MCF2: variants seen among roughly 807,000 people sequenced by gnomAD.
MCF2 encodes the protein proto-oncogene DBL.
A neutral mutation model predicts 82.5 loss-of-function variants in MCF2; 44 were observed. That is an observed-to-expected ratio of 0.53 (90% CI 0.42 to 0.69). The LOEUF is 0.69. Among genes scored for constraint, MCF2 ranks in the 30% least tolerant of loss-of-function variants. The pLI, the probability that MCF2 is intolerant of heterozygous loss-of-function variation, is 0.00. For synonymous variants in MCF2, 217 were observed against 224.9 expected, an observed-to-expected ratio of 0.96 and a Z score of 0.32; for missense variants, 623 against 663.1, an observed-to-expected ratio of 0.94 and a Z score of 0.66.
exon 22 of MCF2, chrX:139,587,765 G>T (rs1415498157): frequency 8.4e-7 from 1 of 1,189,625 alleles, no homozygotes; most frequent in South Asian, 1.8e-5. Flanking sequence ...TCTGTTAATT[G>T]ATCCTGTTGC....
intron 20 of MCF2, among the ~76,000 whole-genome samples, chrX:139,589,186 T>C (rs2148394747): frequency 8.9e-6 from 1 of 111,951 alleles, no homozygotes; most frequent in East Asian, 2.8e-4. Flanking sequence ...ACAAGATGTT[T>C]GTTAAATGAT....
At chrX:139,637,506 A>C (rs1336759674) in intron 1 of MCF2, among the ~76,000 whole-genome samples, 1 of 111,572 alleles carries the variant, frequency 9.0e-6, no homozygotes, top group Non-Finnish European at 1.9e-5. Flanking sequence ...TTAGCAAAAA[A>C]AATACGTATA....
At chrX:139,610,364 T>A in intron 10 of MCF2, 26 bp from the exon 15 acceptor site, 1 of 1,100,824 alleles carries the variant, frequency 9.1e-7, no homozygotes, top group Non-Finnish European at 1.2e-6. Context: ...GAAAGAAGAA[T>A]TTCAAACCAG....
At chrX:139,669,590 T>C (rs1229895118) in intron 1 of MCF2, among the ~76,000 whole-genome samples, 2 of 112,283 alleles carry the variant, frequency 1.8e-5, no homozygotes, top group Non-Finnish European at 3.8e-5. Context: ...CAAAAACTTA[T>C]ACACAAATGT....
chrX:139,671,599 G>T (rs1388671068), intron 1 of MCF2, among the ~76,000 whole-genome samples: 2 of 111,452 alleles, frequency 1.8e-5, no homozygotes, highest in Admixed American at 1.9e-4. Context: ...GTTTTTGTCA[G>T]GTTTGTCAAA....
At chrX:139,666,404 A>C (rs1024200129) in intron 1 of MCF2, among the ~76,000 whole-genome samples, 1 of 111,220 alleles carries the variant, frequency 9.0e-6, no homozygotes, top group African/African-American at 3.3e-5. Context: ...GGTGGCCCTA[A>C]AGTGAATTTC....
At chrX:139,631,565 A>G in intron 2 of MCF2, 54 bp from the exon 6 acceptor site, 1 of 707,441 alleles carries the variant, frequency 1.4e-6, no homozygotes, top group Non-Finnish European at 2.2e-6. Flanking sequence ...CCATCCCTCC[A>G]TTAAACTGTA....
At chrX:139,600,302 A>G (rs1930443946) in intron 16 of MCF2, among the ~76,000 whole-genome samples, 2 of 111,654 alleles carry the variant, frequency 1.8e-5, no homozygotes, top group Non-Finnish European at 3.8e-5. Context: ...TTATAGCTCA[A>G]TAAAGCTGTT....
chrX:139,628,149 T>C (rs1302470528), intron 4 of MCF2, among the ~76,000 whole-genome samples: 2 of 111,590 alleles, frequency 1.8e-5, no homozygotes, highest in African/African-American at 3.3e-5. Flanking sequence ...GAAAATAAAT[T>C]GTTCTACCAA....
At chrX:139,597,729 C>A (rs1193746855) in intron 17 of MCF2, 144 bp from the exon 22 acceptor site, 2 of 390,032 alleles carry the variant, frequency 5.1e-6, no homozygotes, top group Non-Finnish European at 8.6e-6. Flanking sequence ...CCCTTTGCTG[C>A]AGTAATATTT....
intron 1 of MCF2, among the ~76,000 whole-genome samples, chrX:139,638,603 T>C (rs1298928478): frequency 9.0e-6 from 1 of 111,401 alleles, no homozygotes; most frequent in Non-Finnish European, 1.9e-5. Context: ...TGCCAACTCT[T>C]TGGTTTCTCA....
chrX:139,683,368 C>A (rs1382707018), intron 1 of MCF2, among the ~76,000 whole-genome samples: 7 of 112,454 alleles, frequency 6.2e-5, no homozygotes, highest in Non-Finnish European at 1.1e-4. Context: ...GTTTGGGAAA[C>A]CTCAATTTGT....
intron 1 of MCF2, among the ~76,000 whole-genome samples, chrX:139,694,754 A>G (rs768055798): frequency 9.0e-6 from 1 of 111,332 alleles, no homozygotes; most frequent in East Asian, 2.9e-4. Context: ...CCCACATGAC[A>G]AACAATAGCA....
intron 6 of MCF2, among the ~76,000 whole-genome samples, chrX:139,624,545 A>G (rs976908921): frequency 1.8e-5 from 2 of 110,080 alleles, no homozygotes; most frequent in Non-Finnish European, 3.8e-5. Flanking sequence ...AAAAAAAAAA[A>G]AGGACTATAT....
At chrX:139,624,309 G>A (rs1209521026) in intron 6 of MCF2, among the ~76,000 whole-genome samples, 1 of 110,958 alleles carries the variant, frequency 9.0e-6, no homozygotes, top group African/African-American at 3.3e-5. Flanking sequence ...GGGAGGCTGA[G>A]GCGGGAGGAT....
At chrX:139,609,035 C>G (rs1468500663) in intron 11 of MCF2, among the ~76,000 whole-genome samples, 1 of 112,083 alleles carries the variant, frequency 8.9e-6, no homozygotes, top group Non-Finnish European at 1.9e-5. Flanking sequence ...ATTATTTTAT[C>G]TTTAACTCCA....
At chrX:139,616,389 C>A in exon 9 of MCF2, 1 of 1,182,735 alleles carries the variant, frequency 8.5e-7, no homozygotes, top group Non-Finnish European at 1.1e-6. Flanking sequence ...TCTTGGAGAG[C>A]TTTCTGAGCA....
At chrX:139,613,389 G>T in intron 10 of MCF2, 126 bp from the exon 14 acceptor site, 2 of 497,668 alleles carry the variant, frequency 4.0e-6, no homozygotes, top group Non-Finnish European at 6.5e-6. Context: ...TCAAAACTCC[G>T]TTCCTCAACC....
At chrX:139,625,812 G>A (rs1307310829) in intron 6 of MCF2, among the ~76,000 whole-genome samples, 1 of 111,628 alleles carries the variant, frequency 9.0e-6, no homozygotes, top group Admixed American at 9.6e-5. Flanking sequence ...ATTAAATATG[G>A]TCAGCATAGG....
Sources: allele counts gnomAD v4.1 joint callset (sites outside exome capture counted in the v4.1 genomes callset), GRCh38; gene constraint gnomAD v4.1.1; transcripts MANE v1.5; gene names NCBI Gene and HGNC (gene_info 2026-07-23, HGNC 2026-07-21).